Variants in CCSER2 observed in about 807,000 individuals in gnomAD.
The protein encoded by CCSER2 is coiled-coil serine rich protein 2.
A neutral mutation model predicts 92.3 loss-of-function variants in CCSER2; 46 were observed. The observed-to-expected ratio is 0.50, with a 90% CI of 0.39 to 0.64. The LOEUF (loss-of-function observed/expected upper bound fraction) is 0.64, where lower values mean the gene tolerates loss of function less well. Ranked by LOEUF, CCSER2 falls within the 30% of genes least tolerant of loss-of-function variation. The pLI is 0.00. For missense variants in CCSER2, 1,244 were observed against 1,238.9 expected, an observed-to-expected ratio of 1.00 and a Z score of -0.06; for synonymous variants, 433 against 431.4, an observed-to-expected ratio of 1.00 and a Z score of -0.04.
chr10:84,463,893 C>G lies in CCSER2; in HGVS notation c.2065-40C>G, dbSNP rs761425989. On this transcript the variant is annotated intron_variant, in intron 6 of 9. Transcript: ENST00000372088. ...AGGTTGAACTGAATGTCCACAATTA[C>G]TATATTAATCTAGTGTTTTTCTTCC... 4 of 1,324,976 alleles carry G rather than the reference C, an allele frequency of 3.0e-6. No individual in the cohort carries two copies. The South Asian group carries it at 4.8e-5, about 16-fold the overall frequency. The allele number at this position is 1,324,976 out of a possible 1,614,324, so 82.1% of individuals were successfully genotyped here. A position where few individuals can be genotyped will look rare whatever the true frequency, so the allele number is the denominator to read the frequency against.
intron 8 of CCSER2, among the ~76,000 whole-genome samples, chr10:84,472,707 A>G (rs1846890563): frequency 6.6e-6 from 1 of 152,240 alleles, no homozygotes; most frequent in South Asian, 2.1e-4. Flanking sequence ...TGGACATATG[A>G]TAAATAATGA....
intron 1 of CCSER2, among the ~76,000 whole-genome samples, chr10:84,364,982 T>G (rs1181567209): frequency 6.6e-6 from 1 of 152,138 alleles, no homozygotes; most frequent in Non-Finnish European, 1.5e-5. Flanking sequence ...CCTCAGGTGA[T>G]CTACATGCTT....
At chr10:84,427,480 A>G (rs1432069085) in intron 5 of CCSER2, among the ~76,000 whole-genome samples, 3 of 152,238 alleles carry the variant, frequency 2.0e-5, no homozygotes, top group Non-Finnish European at 4.4e-5. Flanking sequence ...TCAATATTGC[A>G]TGTGCAAAAG....
intron 3 of CCSER2, among the ~76,000 whole-genome samples, chr10:84,384,956 T>G (rs771987666): frequency 2.6e-5 from 4 of 151,278 alleles, no homozygotes; most frequent in African/African-American, 7.3e-5. Context: ...CCATACACCA[T>G]CAGTGCTCAA....
rs1029108998 is a variant in CCSER2 at position 84,373,638 on chromosome 10, A to G, written c.1437A>G (p.Lys479=). 6.2e-7 allele frequency: 1 copy of G among 1,612,826 alleles called. No individual in the cohort carries two copies. Among genetic ancestry groups the G allele is most frequent in the African/African-American group, 1.3e-5 (1 of 74,998 alleles). Residue 479 remains lysine (K), a synonymous_variant, in exon 3 of 10, where the codon AAA becomes AAG. Coordinates refer to ENST00000372088, the MANE Select transcript of CCSER2 (RefSeq NM_001284240.2). ...TTGAAGACAGGAGTGAATGTACAAA[A>G]CATACTTCTGGGAATAATTTGGTTT... ...ISVSDRSECT[K]HTSGNNLVSP...
intron 6 of CCSER2, among the ~76,000 whole-genome samples, chr10:84,449,812 A>C (rs900268668): frequency 6.6e-5 from 10 of 152,210 alleles, no homozygotes; most frequent in African/African-American, 2.4e-4. Flanking sequence ...GCGCCATTGC[A>C]CTCCAGCCTG....
chr10:84,377,692 A>T lies in CCSER2; in HGVS notation c.1614+3877A>T. On this transcript the variant is annotated intron_variant, in intron 3 of 9. Transcript: ENST00000372088. ...AGGACCTGCAGGGATTTTGAATGGGATTGCATTGAATTTATAGATGATTTT... is the reference window on the plus strand; with the variant it reads ...AGGACCTGCAGGGATTTTGAATGGGTTTGCATTGAATTTATAGATGATTTT... Among the ~76,000 whole-genome samples, 2 of 152,120 alleles carry T rather than the reference A, an allele frequency of 1.3e-5. 1 individual carries two copies. The highest frequency in any genetic ancestry group is 1.3e-4 in the Admixed American group (2 of 15,256).
At chr10:84,412,911 G>A (rs1489118849) in intron 3 of CCSER2, among the ~76,000 whole-genome samples, 1 of 152,130 alleles carries the variant, frequency 6.6e-6, no homozygotes, top group Admixed American at 6.5e-5. Flanking sequence ...GTTTCTTGTA[G>A]ATTTTCTAGT....
chr10:84,515,453 G>GT lies in CCSER2; in HGVS notation c.*1192dup, dbSNP rs1429417922. 6.6e-6 allele frequency: 1 copy of GT among 151,608 alleles called. No individual in the cohort carries two copies. Among genetic ancestry groups the GT allele is most frequent in the Non-Finnish European group, 1.5e-5 (1 of 67,922 alleles). The allele number at this position is 151,608 out of a possible 1,614,324, so 9.4% of individuals were successfully genotyped here. A position where few individuals can be genotyped will look rare whatever the true frequency, so the allele number is the denominator to read the frequency against. On this transcript the variant is annotated 3_prime_UTR_variant, in exon 10 of 10. Transcript: ENST00000372088. Reference sequence around the variant, plus strand: ...CTGTGTTTTTTGTTTTTTTCTGTTTGTTTTTTGAGACAGAGTCTTGCTCCA... The same window carrying GT: ...CTGTGTTTTTTGTTTTTTTCTGTTTGTTTTTTTGAGACAGAGTCTTGCTCCA...
chr10:84,424,889 C>T (rs1843346078), intron 4 of CCSER2: 1 of 529,376 alleles, frequency 1.9e-6, no homozygotes, highest in Non-Finnish European at 2.4e-6. Context: ...ACTGGGCTTG[C>T]TTCCCACAGG....
intron 3 of CCSER2, among the ~76,000 whole-genome samples, chr10:84,397,011 T>TA (rs1195036544): frequency 2.0e-5 from 3 of 152,188 alleles, no homozygotes; most frequent in Admixed American, 6.6e-5. Flanking sequence ...GTAATTTAGA[T>TA]AAAAAAACAC....
intron 1 of CCSER2, among the ~76,000 whole-genome samples, chr10:84,363,903 A>C (rs1285415029): frequency 1.3e-5 from 2 of 152,230 alleles, no homozygotes; most frequent in African/African-American, 4.8e-5. Context: ...ACACAGATGC[A>C]GATGGTATAG....
chr10:84,483,995 AT>A (rs1847642361), intron 9 of CCSER2, among the ~76,000 whole-genome samples: 3 of 72,356 alleles, frequency 4.1e-5, no homozygotes, highest in African/African-American at 2.0e-4. Flanking sequence ...ATATATATAT[AT>A]AATTTTTTTT....
At chr10:84,399,878 A>C (rs1300485014) in intron 3 of CCSER2, among the ~76,000 whole-genome samples, 3 of 150,782 alleles carry the variant, frequency 2.0e-5, no homozygotes, top group African/African-American at 4.9e-5. Flanking sequence ...GGAAATTTCA[A>C]ATATATTCAC....
chr10:84,384,024 C>A (rs1210920211), intron 3 of CCSER2, among the ~76,000 whole-genome samples: 1 of 152,068 alleles, frequency 6.6e-6, no homozygotes, highest in African/African-American at 2.4e-5. Flanking sequence ...TCTATGTGCA[C>A]AAACTAGAAA....
At chr10:84,363,054 C>T (rs1845591116) in intron 1 of CCSER2, among the ~76,000 whole-genome samples, 1 of 150,196 alleles carries the variant, frequency 6.7e-6, no homozygotes. Context: ...ACCATGTTGG[C>T]CAGGCTGGTC....
intron 8 of CCSER2, among the ~76,000 whole-genome samples, chr10:84,471,816 T>C (rs1185497216): frequency 6.6e-6 from 1 of 152,026 alleles, no homozygotes; most frequent in Non-Finnish European, 1.5e-5. Context: ...AAATTAAAAA[T>C]TATTTTTAAT....
chr10:84,495,200 T>G (rs1010144262), intron 9 of CCSER2, among the ~76,000 whole-genome samples: 2 of 151,270 alleles, frequency 1.3e-5, no homozygotes, highest in African/African-American at 4.8e-5. Context: ...CTCTTGAGAC[T>G]TCCTCTCTGA....
At chr10:84,468,809 A>G (rs1846610433) in intron 7 of CCSER2, among the ~76,000 whole-genome samples, 1 of 151,988 alleles carries the variant, frequency 6.6e-6, no homozygotes. Context: ...GGAGTAGGAT[A>G]ACTGAATCAG....
Sources: allele counts gnomAD v4.1 joint callset (sites outside exome capture counted in the v4.1 genomes callset), GRCh38; gene constraint gnomAD v4.1.1; transcripts MANE v1.5; gene names NCBI Gene and HGNC (gene_info 2026-07-23, HGNC 2026-07-21).